Variants in MAGI2 observed in about 807,000 individuals in gnomAD.
MAGI2 encodes the protein membrane-associated guanylate kinase, WW and PDZ domain-containing protein 2.
MAGI2 carries 35 observed loss-of-function variants against 133.3 expected under a neutral mutation model. That is an observed-to-expected ratio of 0.26 (90% confidence interval 0.20 to 0.35). MAGI2 has a LOEUF of 0.35. Ranked by LOEUF, MAGI2 falls within the 10% of genes least tolerant of loss-of-function variation. The probability of loss-of-function intolerance (pLI) is 1.00; values close to 1 mark genes in which losing one functional copy is unlikely to be tolerated. For synonymous variants in MAGI2, 729 were observed against 710.6 expected, an observed-to-expected ratio of 1.03 and a Z score of -0.41; for missense variants, 1,636 against 1,863.4, an observed-to-expected ratio of 0.88 and a Z score of 2.25.
At position 79,298,924 on chromosome 7, in the gene MAGI2, T is replaced by G. The variant is rs1218668946; in HGVS notation, c.301+154096A>C. 3.9e-5 allele frequency among the ~76,000 whole-genome samples: 6 copies of G among 152,150 alleles called. No homozygotes were observed. The East Asian group carries it at 1.2e-3, about 29-fold the overall frequency. On this transcript the variant is annotated intron_variant, in intron 1 of 21. Coordinates refer to ENST00000354212, the MANE Select transcript of MAGI2 (RefSeq NM_012301.4). ...CCTCAGAAGAAACCAACCCTATTAA[T>G]ACCTTAATCTCAGGCTTCTAATCTC... is the stretch of plus-strand genomic sequence containing the variant.
chr7:78,655,852 G>A (rs547485414), intron 2 of MAGI2, among the ~76,000 whole-genome samples: 131 of 151,798 alleles, frequency 8.6e-4, no homozygotes, highest in African/African-American at 3.1e-3. Flanking sequence ...GCGGTGGCGG[G>A]CGCCTGTAGT....
intron 3 of MAGI2, among the ~76,000 whole-genome samples, chr7:78,528,123 G>A (rs1470073247): frequency 6.6e-6 from 1 of 152,202 alleles, no homozygotes; most frequent in Non-Finnish European, 1.5e-5. Flanking sequence ...AGAGCTTGAG[G>A]ATATGTCTTC....
At chr7:78,784,106 T>G (rs2151348974) in intron 2 of MAGI2, among the ~76,000 whole-genome samples, 1 of 152,262 alleles carries the variant, frequency 6.6e-6, no homozygotes, top group African/African-American at 2.4e-5. Flanking sequence ...AACCATCCAA[T>G]TAGGTAGATC....
chr7:78,114,916 C>G (rs1033900998), intron 20 of MAGI2, among the ~76,000 whole-genome samples: 2 of 152,208 alleles, frequency 1.3e-5, no homozygotes, highest in African/African-American at 4.8e-5. Context: ...TGTGGACACA[C>G]TGTGAGAGGG....
At chr7:79,198,039 G>A (rs1026824489) in intron 1 of MAGI2, among the ~76,000 whole-genome samples, 2 of 151,726 alleles carry the variant, frequency 1.3e-5, no homozygotes, top group South Asian at 2.1e-4. Context: ...TTGAGGCCAG[G>A]AGCTTGAGAG....
intron 1 of MAGI2, among the ~76,000 whole-genome samples, chr7:79,440,091 G>A (rs899181625): frequency 3.3e-5 from 5 of 151,856 alleles, no homozygotes; most frequent in African/African-American, 1.2e-4. Context: ...AATATTAAGA[G>A]TGCTCTTAGT....
chr7:78,722,086 T>A (rs1390175703), intron 2 of MAGI2, among the ~76,000 whole-genome samples: 1 of 151,144 alleles, frequency 6.6e-6, no homozygotes, highest in Non-Finnish European at 1.5e-5. Flanking sequence ...GTATGACTCT[T>A]TAATGTTGTC....
At chr7:79,035,523 T>G (rs1467052209) in intron 1 of MAGI2, among the ~76,000 whole-genome samples, 1 of 152,178 alleles carries the variant, frequency 6.6e-6, no homozygotes, top group Non-Finnish European at 1.5e-5. Context: ...TCACCTTTTA[T>G]GTAGTCTTTC....
chr7:78,449,896 T>C (rs1171133949), intron 6 of MAGI2, among the ~76,000 whole-genome samples: 2 of 152,078 alleles, frequency 1.3e-5, no homozygotes, highest in Non-Finnish European at 2.9e-5. Context: ...TGCAGTTTCT[T>C]TGCACTTCAA....
At chr7:78,508,891 T>A (rs1026468939) in intron 4 of MAGI2, among the ~76,000 whole-genome samples, 1 of 149,432 alleles carries the variant, frequency 6.7e-6, no homozygotes, top group Admixed American at 6.7e-5. Flanking sequence ...AAATAGTCTT[T>A]TTTTTTTTTT....
intron 10 of MAGI2, chr7:78,254,685 C>T (rs561988647): frequency 6.6e-6 from 1 of 152,174 alleles, no homozygotes; most frequent in African/African-American, 2.4e-5. Context: ...CACCTGCAGA[C>T]AGGGCCAAAT....
chr7:79,372,225 T>C (rs10259758), intron 1 of MAGI2, among the ~76,000 whole-genome samples: 3,226 of 152,246 alleles, frequency 0.021, 98 homozygotes, highest in African/African-American at 0.075. Flanking sequence ...TAGTGTTTTG[T>C]CTTCACTGGA....
chr7:78,341,376 C>A (rs1461339228), intron 9 of MAGI2, among the ~76,000 whole-genome samples: 1 of 152,088 alleles, frequency 6.6e-6, no homozygotes, highest in African/African-American at 2.4e-5. Flanking sequence ...TGAAAATGGC[C>A]ATACTGCCCA....
intron 2 of MAGI2, among the ~76,000 whole-genome samples, chr7:78,685,670 A>G (rs1816219675): frequency 1.3e-5 from 2 of 152,034 alleles, no homozygotes; most frequent in Non-Finnish European, 1.5e-5. Context: ...GTGTGTGTAT[A>G]TATAGGTTAG....
intron 2 of MAGI2, among the ~76,000 whole-genome samples, chr7:78,942,693 A>G (rs989764950): frequency 6.6e-6 from 1 of 152,144 alleles, no homozygotes; most frequent in Non-Finnish European, 1.5e-5. Flanking sequence ...AAGTGGCACA[A>G]AATATAACTA....
At chr7:78,917,579 C>A (rs1294381472) in intron 2 of MAGI2, among the ~76,000 whole-genome samples, 1 of 152,002 alleles carries the variant, frequency 6.6e-6, no homozygotes, top group Non-Finnish European at 1.5e-5. Flanking sequence ...CTTTTGAGAC[C>A]AACTGAGTGT....
chr7:78,274,606 G>T (rs1450365520), intron 9 of MAGI2, among the ~76,000 whole-genome samples: 5 of 144,680 alleles, frequency 3.5e-5, no homozygotes, highest in African/African-American at 1.3e-4. Flanking sequence ...CCTGACTGGG[G>T]TGCTGCCTTT....
At chr7:78,450,197 T>C (rs1035029169) in intron 6 of MAGI2, among the ~76,000 whole-genome samples, 1 of 152,060 alleles carries the variant, frequency 6.6e-6, no homozygotes, top group Admixed American at 6.6e-5. Context: ...GAGGGCTGTA[T>C]TGTGATGAAC....
At chr7:79,152,955 A>G (rs754208721) in intron 1 of MAGI2, among the ~76,000 whole-genome samples, 1 of 152,230 alleles carries the variant, frequency 6.6e-6, no homozygotes, top group Non-Finnish European at 1.5e-5. Flanking sequence ...CAATTATATT[A>G]TGAACTTCTT....
Sources: allele counts gnomAD v4.1 joint callset (sites outside exome capture counted in the v4.1 genomes callset), GRCh38; gene constraint gnomAD v4.1.1; transcripts MANE v1.5; gene names NCBI Gene and HGNC (gene_info 2026-07-23, HGNC 2026-07-21).